Variants in CDC42BPA observed in about 807,000 individuals in gnomAD.
The protein encoded by CDC42BPA is CDC42 binding protein kinase alpha.
CDC42BPA carries 80 observed loss-of-function variants against 223.5 expected under a neutral mutation model. The observed-to-expected ratio is 0.36, with a 90% CI of 0.30 to 0.43. The LOEUF (loss-of-function observed/expected upper bound fraction) is 0.43, where lower values mean the gene tolerates loss of function less well. Ranked by LOEUF, CDC42BPA falls within the 20% of genes least tolerant of loss-of-function variation. The pLI, the probability that CDC42BPA is intolerant of heterozygous loss-of-function variation, is 1.00. For synonymous variants in CDC42BPA, 694 were observed against 718.6 expected, an observed-to-expected ratio of 0.97 and a Z score of 0.55; for missense variants, 1,743 against 2,099.9, an observed-to-expected ratio of 0.83 and a Z score of 3.32.
chr1:227,309,824 C>A (rs764861797), intron 1 of CDC42BPA, among the ~76,000 whole-genome samples: 3 of 152,132 alleles, frequency 2.0e-5, no homozygotes, highest in Non-Finnish European at 4.4e-5. Context: ...GGGTTGACAG[C>A]AGTGGTTCAT....
chr1:227,250,239 G>A (rs1681733531), intron 2 of CDC42BPA, among the ~76,000 whole-genome samples: 1 of 152,088 alleles, frequency 6.6e-6, no homozygotes, highest in African/African-American at 2.4e-5. Context: ...GTTAATCCCA[G>A]CACTTTGGGA....
intron 2 of CDC42BPA, among the ~76,000 whole-genome samples, chr1:227,230,315 GTCATAA>G (rs1677609934): frequency 6.6e-6 from 1 of 152,182 alleles, no homozygotes; most frequent in African/African-American, 2.4e-5. Context: ...AAGCAAAAGT[GTCATAA>G]TCAGAATCAG....
chr1:227,199,685 CT>C, intron 3 of CDC42BPA, 33 bp from the exon 4 acceptor site: 5 of 1,080,646 alleles, frequency 4.6e-6, no homozygotes, highest in Non-Finnish European at 7.1e-6. Flanking sequence ...TTAGAGCATA[CT>C]TTATGTAAAA....
intron 5 of CDC42BPA, among the ~76,000 whole-genome samples, chr1:227,162,868 A>ATGTGTGTGTGTGTGTGTGTGTGTGTG (rs36157906): frequency 5.4e-5 from 8 of 149,464 alleles, no homozygotes; most frequent in South Asian, 2.1e-4. Context: ...ATAAATATAT[A>ATGTGTGTGTGTGTGTGTGTGTGTGTG]TGTGTGTGTG....
intron 29 of CDC42BPA, among the ~76,000 whole-genome samples, chr1:227,029,956 G>A (rs867819586): frequency 1.3e-5 from 2 of 152,052 alleles, no homozygotes; most frequent in Non-Finnish European, 1.5e-5. Context: ...CCAACATGGA[G>A]AAACCTCATC....
At chr1:227,022,366 G>A (rs1294635127) in intron 32 of CDC42BPA, among the ~76,000 whole-genome samples, 1 of 152,094 alleles carries the variant, frequency 6.6e-6, no homozygotes, top group Non-Finnish European at 1.5e-5. Context: ...CCAGGAGAAG[G>A]AGGATGCAGT....
chr1:227,089,474 GGAAATAGAGATTCCA>G (rs1682639623), intron 16 of CDC42BPA, among the ~76,000 whole-genome samples: 1 of 152,096 alleles, frequency 6.6e-6, no homozygotes, highest in Non-Finnish European at 1.5e-5. Context: ...AGGTTCAAAT[GGAAATAGAGATTCCA>G]GATCTCTCCC....
chr1:227,165,950 T>C (rs919983027), intron 5 of CDC42BPA, among the ~76,000 whole-genome samples: 2 of 152,210 alleles, frequency 1.3e-5, no homozygotes, highest in African/African-American at 4.8e-5. Context: ...CAAAAATACA[T>C]GTGTAAATGT....
chr1:227,236,762 T>C (rs893578060), intron 2 of CDC42BPA, among the ~76,000 whole-genome samples: 46 of 152,062 alleles, frequency 3.0e-4, no homozygotes, highest in Non-Finnish European at 2.4e-4. Flanking sequence ...ATCCCGACTT[T>C]TGTGACAGAG....
chr1:227,281,498 C>T (rs1021256317), intron 1 of CDC42BPA, among the ~76,000 whole-genome samples: 34 of 152,130 alleles, frequency 2.2e-4, no homozygotes, highest in Non-Finnish European at 4.4e-4. Context: ...AGACATGAGG[C>T]CCTCAAAAGC....
chr1:227,261,118 G>GTTTTTTTTTTTTTTTT (rs1351313489), intron 1 of CDC42BPA, among the ~76,000 whole-genome samples: 58 of 51,056 alleles, frequency 1.1e-3, no homozygotes, highest in South Asian at 1.9e-3. Flanking sequence ...GAATAATTGA[G>GTTTTTTTTTTTTTTTT]TTTTTCTTTT....
At chr1:227,193,662 A>G in intron 5 of CDC42BPA, 124 bp downstream of exon 5, 1 of 780,142 alleles carries the variant, frequency 1.3e-6, no homozygotes, top group Non-Finnish European at 1.9e-6. Flanking sequence ...ATCTCAAAAT[A>G]ATTTTTTTTG....
At chr1:227,212,654 T>G (rs1674132784) in intron 3 of CDC42BPA, among the ~76,000 whole-genome samples, 1 of 152,168 alleles carries the variant, frequency 6.6e-6, no homozygotes, top group Admixed American at 6.5e-5. Context: ...TGCAGGCAGT[T>G]CTTCCATTAC....
intron 1 of CDC42BPA, among the ~76,000 whole-genome samples, chr1:227,308,138 A>C (rs979941481): frequency 1.3e-5 from 2 of 152,244 alleles, no homozygotes; most frequent in Admixed American, 6.5e-5. Context: ...TCCTTATATT[A>C]GTATAGCTAT....
At chr1:227,186,588 C>T (rs1355997534) in intron 5 of CDC42BPA, among the ~76,000 whole-genome samples, 1 of 152,138 alleles carries the variant, frequency 6.6e-6, no homozygotes, top group African/African-American at 2.4e-5. Context: ...CTCAAAGCCT[C>T]ACTAAAGATT....
At chr1:227,014,508 C>CA (rs1665838256) in intron 34 of CDC42BPA, among the ~76,000 whole-genome samples, 2 of 152,076 alleles carry the variant, frequency 1.3e-5, no homozygotes, top group African/African-American at 4.8e-5. Flanking sequence ...ATGAAGAACT[C>CA]AGACTTGAAT....
chr1:227,179,845 G>A (rs1667645989), intron 5 of CDC42BPA, among the ~76,000 whole-genome samples: 1 of 151,504 alleles, frequency 6.6e-6, no homozygotes, highest in Non-Finnish European at 1.5e-5. Context: ...TAACTATCAA[G>A]GATAATATCT....
At chr1:227,041,313 T>C (rs920284506) in intron 23 of CDC42BPA, among the ~76,000 whole-genome samples, 1 of 152,104 alleles carries the variant, frequency 6.6e-6, no homozygotes, top group Non-Finnish European at 1.5e-5. Context: ...TCCCCTTCTC[T>C]AGTAGTCCCC....
chr1:227,109,079 A>C (rs1351968118), intron 14 of CDC42BPA, among the ~76,000 whole-genome samples: 1 of 152,176 alleles, frequency 6.6e-6, no homozygotes, highest in African/African-American at 2.4e-5. Context: ...AAAAAATAAA[A>C]AATGGTATGT....
Sources: gnomAD v4.1 joint callset for allele counts (sites outside exome capture counted in the v4.1 genomes callset) on GRCh38, gnomAD v4.1.1 for gene constraint, MANE v1.5 for transcripts, NCBI Gene and HGNC (gene_info 2026-07-23, HGNC 2026-07-21) for gene names.